Variants in ARID1B observed in about 807,000 individuals in gnomAD.
ARID1B encodes the protein AT-rich interactive domain-containing protein 1B.
ARID1B carries 30 observed loss-of-function variants against 212.3 expected under a neutral mutation model. The ratio of observed to expected loss-of-function variants is 0.14; its 90% CI spans 0.11 to 0.19. The LOEUF (loss-of-function observed/expected upper bound fraction) is 0.19. ARID1B is among the 10% of genes least tolerant of loss of function. ARID1B has a pLI of 1.00. For missense variants in ARID1B, 2,891 were observed against 3,204.0 expected (o/e 0.90, Z 2.36); for synonymous variants, 1,402 against 1,301.7 (o/e 1.08, Z -1.66).
At chr6:157,120,322 G>A (rs1273871155) in intron 6 of ARID1B, among the ~76,000 whole-genome samples, 1 of 152,172 alleles carries the variant, frequency 6.6e-6, no homozygotes, top group East Asian at 1.9e-4. Context: ...TAGCGGAAAG[G>A]AGTTTGTGGG....
Position 156,971,112 on chromosome 6 carries a change from G to C in ARID1B, c.2247+35536G>C, listed in dbSNP as rs12204990. Among the ~76,000 whole-genome samples the C allele has an allele frequency of 0.27, 40,615 of 152,036 alleles. 5,861 individuals carry two copies. Among genetic ancestry groups the C allele is most frequent in the Non-Finnish European group, 0.32 (21,426 of 67,958 alleles). ...CTTTATAATTAAGAGTAATTACCAGGGAATTAAAACTGAAGGGTTTTTGTA... is the reference window on the plus strand; with the variant it reads ...CTTTATAATTAAGAGTAATTACCAGCGAATTAAAACTGAAGGGTTTTTGTA... On this transcript the variant is annotated intron_variant, in intron 4 of 19. Transcript: ENST00000636930.
At chr6:156,967,409 T>G (rs1215750446) in intron 4 of ARID1B, among the ~76,000 whole-genome samples, 2 of 152,208 alleles carry the variant, frequency 1.3e-5, no homozygotes, top group African/African-American at 4.8e-5. Flanking sequence ...TGAAGATAAA[T>G]TAGCTGTCAC....
At chr6:156,776,189 T>C (rs1460468420), upstream of ARID1B, among the ~76,000 whole-genome samples, 2 of 152,346 alleles carry the variant, frequency 1.3e-5, no homozygotes, top group East Asian at 3.9e-4. Flanking sequence ...TCCACACTAG[T>C]ACAAGTGGGT....
At chr6:156,882,931 T>C (rs1221292068) in intron 2 of ARID1B, among the ~76,000 whole-genome samples, 1 of 152,202 alleles carries the variant, frequency 6.6e-6, no homozygotes, top group African/African-American at 2.4e-5. Flanking sequence ...TGTTGAGGCC[T>C]CAGGATAGAG....
chr6:156,986,521 G>A (rs1020651540), intron 4 of ARID1B, among the ~76,000 whole-genome samples: 4 of 152,122 alleles, frequency 2.6e-5, no homozygotes, highest in Admixed American at 6.5e-5. Context: ...TCTGTCACTC[G>A]GTCAGCTTGT....
chr6:157,002,929 A>G (rs2128433354), intron 4 of ARID1B, among the ~76,000 whole-genome samples: 2 of 152,360 alleles, frequency 1.3e-5, no homozygotes, highest in Middle Eastern at 3.4e-3. Flanking sequence ...AGGCATGAGA[A>G]TGAGAAGAGG....
At chr6:157,039,678 C>CTTCTTTCTTACT (rs1562569214) in intron 4 of ARID1B, among the ~76,000 whole-genome samples, 1 of 85,864 alleles carries the variant, frequency 1.2e-5, no homozygotes, top group East Asian at 2.8e-4. Flanking sequence ...TCCTTCCTTC[C>CTTCTTTCTTACT]TTCCTTCCTT....
In ARID1B at chr6:157,184,215, C is replaced by A. The variant is rs1471298151; in HGVS notation, c.3715-16C>A. ...ACTTTGTTGCAAACCAATGATCCTGCCGTGTTTTTCACTAGGTTAATAAAA... is the reference window on the plus strand; with the variant it reads ...ACTTTGTTGCAAACCAATGATCCTGACGTGTTTTTCACTAGGTTAATAAAA... On this transcript the variant is annotated splice_polypyrimidine_tract_variant and intron_variant, in intron 12 of 19. Coordinates refer to ENST00000636930, the MANE Select transcript of ARID1B (RefSeq NM_001374828.1). The A allele has an allele frequency of 6.3e-7, 1 of 1,591,444 alleles. No homozygotes were observed. Among genetic ancestry groups the A allele is most frequent in the Non-Finnish European group, 8.6e-7 (1 of 1,165,892 alleles).
chr6:157,025,016 C>T (rs2223920), intron 4 of ARID1B, among the ~76,000 whole-genome samples: 1 of 151,972 alleles, frequency 6.6e-6, no homozygotes, highest in African/African-American at 2.4e-5. Context: ...ATTTTAAGTT[C>T]ATTTGCTCGT....
At chr6:156,979,805 C>T (rs1489911861) in intron 4 of ARID1B, among the ~76,000 whole-genome samples, 1 of 152,232 alleles carries the variant, frequency 6.6e-6, no homozygotes. Context: ...ATCCGCCCAC[C>T]TCGGCCTCCC....
chr6:156,976,903 T>C, intron 4 of ARID1B: 1 of 564,872 alleles, frequency 1.8e-6, no homozygotes, highest in South Asian at 1.4e-5. Flanking sequence ...TGTGGAGTGA[T>C]CAGCCTCAGA....
At chr6:157,172,443 A>G (rs1163330442) in intron 9 of ARID1B, among the ~76,000 whole-genome samples, 2 of 152,216 alleles carry the variant, frequency 1.3e-5, no homozygotes, top group Non-Finnish European at 2.9e-5. Context: ...AAACATCCCA[A>G]TTATGATTTG....
At chr6:157,013,167 C>T (rs1269338441) in intron 4 of ARID1B, among the ~76,000 whole-genome samples, 5 of 152,244 alleles carry the variant, frequency 3.3e-5, no homozygotes, top group South Asian at 2.1e-4. Flanking sequence ...GCGTGAGCCA[C>T]GGCGCCCTGC....
Position 156,955,141 on chromosome 6 carries a change from G to A in ARID1B, c.2247+19565G>A, listed in dbSNP as rs1394938689. Among the ~76,000 whole-genome samples the A allele has an allele frequency of 6.6e-6, 1 of 152,246 alleles. No individual in the cohort carries two copies. On this transcript the variant is annotated intron_variant, in intron 4 of 19. Transcript: ENST00000636930. The surrounding 1 kb of genome is among the most constrained non-coding windows in gnomAD (Gnocchi z 4.2). ...CCCTTCCTGGCTGCTGTTGGACTGG[G>A]TCGGGGCTGTTGTTCAAGCTTGCTA...
chr6:157,097,736 C>CA (rs1785749879), intron 5 of ARID1B, among the ~76,000 whole-genome samples: 1 of 152,188 alleles, frequency 6.6e-6, no homozygotes. Context: ...AGAAAGGGAG[C>CA]AGGCAGGCGC....
chr6:156,865,916 G>A (rs889032874), intron 2 of ARID1B, among the ~76,000 whole-genome samples: 1 of 152,034 alleles, frequency 6.6e-6, no homozygotes, highest in African/African-American at 2.4e-5. Flanking sequence ...TTGAGATACT[G>A]ATTGTACTCT....
Position 157,154,369 on chromosome 6 carries a change from A to G in ARID1B, c.3089+5418A>G, listed in dbSNP as rs138785926. Among the ~76,000 whole-genome samples the G allele has an allele frequency of 1.1e-4, 17 of 152,306 alleles. No individual in the cohort carries two copies. The East Asian group carries it at 3.3e-3, about 29-fold the overall frequency. On this transcript the variant is annotated intron_variant, in intron 8 of 19. Coordinates refer to ENST00000636930, the MANE Select transcript of ARID1B (RefSeq NM_001374828.1). ...TCTTTAAGCTAATACTGTGTTCATA[A>G]GAAGAGGTTCCATAAGGACACAGAG...
chr6:156,813,230 A>T (rs549958015), intron 1 of ARID1B, among the ~76,000 whole-genome samples: 106 of 150,016 alleles, frequency 7.1e-4, no homozygotes, highest in Middle Eastern at 3.4e-3. Context: ...CAGCCTCCCG[A>T]GTAGCTACAA....
intron 2 of ARID1B, among the ~76,000 whole-genome samples, chr6:156,877,195 C>T (rs1010018011): frequency 2.0e-5 from 3 of 152,162 alleles, no homozygotes; most frequent in Non-Finnish European, 2.9e-5. Flanking sequence ...TGTTATTCTC[C>T]TGCTTAAAGT....
Sources: gnomAD v4.1 joint callset for allele counts (sites outside exome capture counted in the v4.1 genomes callset) on GRCh38, gnomAD v4.1.1 for gene constraint, Gnocchi (gnomAD v3.1) non-coding constraint, MANE v1.5 for transcripts, NCBI Gene and HGNC (gene_info 2026-07-23, HGNC 2026-07-21) for gene names.